EYS: variants seen among roughly 807,000 people sequenced by gnomAD.
EYS encodes the protein protein eyes shut homolog.
In EYS, 250 loss-of-function variants were observed where a neutral mutation model predicts 282.1. The observed-to-expected ratio is 0.89, with a 90% CI of 0.80 to 0.98. EYS has a LOEUF of 0.98. Among genes scored for constraint, EYS ranks in the 50% least tolerant of loss-of-function variants. The pLI is 0.00. For synonymous variants in EYS, 1,355 were observed against 1,282.9 expected (o/e 1.06, Z -1.20); for missense variants, 4,016 against 3,709.0 (o/e 1.08, Z -2.15).
intron 19 of EYS, among the ~76,000 whole-genome samples, chr6:64,869,027 G>T (rs1766510826): frequency 6.6e-6 from 1 of 151,364 alleles, no homozygotes; most frequent in Non-Finnish European, 1.5e-5. Flanking sequence ...TATTAATTAG[G>T]TAATATGCTA....
intron 35 of EYS, among the ~76,000 whole-genome samples, chr6:63,969,618 C>G (rs1034549519): frequency 2.0e-5 from 3 of 152,122 alleles, no homozygotes; most frequent in Non-Finnish European, 2.9e-5. Flanking sequence ...ACATTTGAAG[C>G]TAAACAAAGA....
At chr6:64,495,616 C>A (rs530073564) in intron 26 of EYS, among the ~76,000 whole-genome samples, 1 of 151,812 alleles carries the variant, frequency 6.6e-6, no homozygotes, top group Non-Finnish European at 1.5e-5. Flanking sequence ...TAACTGATGG[C>A]TTTTGTTGTG....
chr6:65,567,740 T>C (rs573654565), intron 2 of EYS, among the ~76,000 whole-genome samples: 1 of 152,234 alleles, frequency 6.6e-6, no homozygotes, highest in East Asian at 1.9e-4. Context: ...CCCTAGCGGA[T>C]TTATAGTTAT....
intron 15 of EYS, among the ~76,000 whole-genome samples, chr6:64,918,706 A>AG (rs960864529): frequency 1.3e-5 from 2 of 152,026 alleles, no homozygotes; most frequent in Non-Finnish European, 2.9e-5. Flanking sequence ...GTGAGGACTC[A>AG]GTGGGCTTCA....
intron 35 of EYS, among the ~76,000 whole-genome samples, chr6:63,874,310 C>T (rs544348699): frequency 4.6e-5 from 7 of 152,044 alleles, no homozygotes; most frequent in South Asian, 2.1e-4. Context: ...GTTGTAGATG[C>T]GTGCTATTAT....
At chr6:64,673,033 C>T (rs1769520802) in intron 22 of EYS, among the ~76,000 whole-genome samples, 1 of 152,098 alleles carries the variant, frequency 6.6e-6, no homozygotes, top group African/African-American at 2.4e-5. Flanking sequence ...GTTAGTCTTG[C>T]TCTGCTTAAA....
At chr6:65,088,858 A>G (rs754382862) in intron 12 of EYS, among the ~76,000 whole-genome samples, 10 of 152,122 alleles carry the variant, frequency 6.6e-5, no homozygotes, top group Admixed American at 1.3e-4. Context: ...GCCTCCTGAC[A>G]TGGTGCCCTG....
At chr6:65,499,538 A>T (rs546812022) in intron 2 of EYS, among the ~76,000 whole-genome samples, 1 of 152,110 alleles carries the variant, frequency 6.6e-6, no homozygotes, top group Non-Finnish European at 1.5e-5. Flanking sequence ...ATTTGTATAA[A>T]TTATACATTG....
At chr6:65,584,591 T>C (rs945581624) in intron 2 of EYS, among the ~76,000 whole-genome samples, 13 of 152,090 alleles carry the variant, frequency 8.5e-5, no homozygotes, top group African/African-American at 3.1e-4. Context: ...GAATGTTCTA[T>C]AAAATACCTT....
chr6:64,427,051 C>T lies in EYS; in HGVS notation c.5927+9123G>A, dbSNP rs559943461. 2.4e-4 allele frequency among the ~76,000 whole-genome samples: 36 copies of T among 152,076 alleles called. No homozygotes were observed. The Middle Eastern group carries it at 0.01, about 43-fold the overall frequency. On this transcript the variant is annotated intron_variant, in intron 28 of 42. Coordinates refer to ENST00000503581, the MANE Select transcript of EYS (RefSeq NM_001142800.2). ...GCTATCAAGTGAAAAATAACTAGAT[C>T]AATTTTTCTTTTAGCTTAAATTTGG... is the stretch of plus-strand genomic sequence containing the variant.
At chr6:64,521,514 AGCTT>A (rs1777733749) in intron 26 of EYS, among the ~76,000 whole-genome samples, 2 of 151,746 alleles carry the variant, frequency 1.3e-5, no homozygotes, top group African/African-American at 4.8e-5. Context: ...TGATTCAAGG[AGCTT>A]GCCCATAGAT....
intron 12 of EYS, among the ~76,000 whole-genome samples, chr6:65,209,238 C>T (rs1464013847): frequency 6.6e-6 from 1 of 150,950 alleles, no homozygotes; most frequent in Non-Finnish European, 1.5e-5. Flanking sequence ...CAGCAAAGCC[C>T]AGTGTGTGGG....
At chr6:65,011,037 G>A (rs1771849146) in intron 13 of EYS, among the ~76,000 whole-genome samples, 3 of 152,290 alleles carry the variant, frequency 2.0e-5, no homozygotes, top group South Asian at 4.1e-4. Flanking sequence ...CTAGTATGGG[G>A]TAATCCCCTC....
chr6:65,479,996 A>T (rs1395118103), intron 5 of EYS, among the ~76,000 whole-genome samples: 1 of 127,868 alleles, frequency 7.8e-6, no homozygotes, highest in East Asian at 2.5e-4. Context: ...TCTACTAAAA[A>T]TACAAAAAAA....
intron 26 of EYS, among the ~76,000 whole-genome samples, chr6:64,515,178 T>C (rs72874913): frequency 0.033 from 4,970 of 151,750 alleles, 135 homozygotes; most frequent in Non-Finnish European, 0.05. Context: ...GACTGTACAT[T>C]TTGTAATAAT....
At chr6:65,463,576 A>G (rs1189820296) in intron 5 of EYS, among the ~76,000 whole-genome samples, 1 of 152,214 alleles carries the variant, frequency 6.6e-6, no homozygotes, top group Non-Finnish European at 1.5e-5. Context: ...AGAATAATTT[A>G]TAAACTAATT....
chr6:65,062,685 AC>A (rs1427638146), intron 12 of EYS, among the ~76,000 whole-genome samples: 1 of 151,850 alleles, frequency 6.6e-6, no homozygotes, highest in Non-Finnish European at 1.5e-5. Flanking sequence ...ATTTTACCAA[AC>A]CCATTTTTAC....
chr6:64,967,998 T>C (rs1383013551), intron 14 of EYS, among the ~76,000 whole-genome samples: 3 of 152,280 alleles, frequency 2.0e-5, no homozygotes, highest in Non-Finnish European at 2.9e-5. Context: ...AAAGAAGACA[T>C]TGGACAAATG....
At chr6:63,758,356 A>T (rs759730283) in intron 41 of EYS, among the ~76,000 whole-genome samples, 1 of 152,132 alleles carries the variant, frequency 6.6e-6, no homozygotes, top group Non-Finnish European at 1.5e-5. Context: ...TCAACTTAAG[A>T]ATATATTAAA....
Sources: gnomAD v4.1 joint callset for allele counts (sites outside exome capture counted in the v4.1 genomes callset) on GRCh38, gnomAD v4.1.1 for gene constraint, MANE v1.5 for transcripts, NCBI Gene and HGNC (gene_info 2026-07-23, HGNC 2026-07-21) for gene names.